Variants in TCP11L1 observed in about 807,000 individuals in gnomAD.
The protein encoded by TCP11L1 is t-complex 11 like 1, also known as T-complex protein 11-like protein 1.
A neutral mutation model predicts 48.9 loss-of-function variants in TCP11L1; 28 were observed. The observed-to-expected ratio is 0.57, with a 90% CI of 0.42 to 0.78. The LOEUF is 0.78. TCP11L1 is among the 30% of genes least tolerant of loss of function. The probability of loss-of-function intolerance (pLI) is 0.00; values close to 1 mark genes in which losing one functional copy is unlikely to be tolerated. For synonymous variants in TCP11L1, 204 were observed against 231.9 expected (o/e 0.88, Z 1.09); for missense variants, 505 against 613.4 (o/e 0.82, Z 1.87).
chr11:33,042,430 C>T (rs532078763), intron 1 of TCP11L1, among the ~76,000 whole-genome samples: 5 of 152,294 alleles, frequency 3.3e-5, no homozygotes, highest in Admixed American at 1.3e-4. Flanking sequence ...AATCCCAGCA[C>T]TTTGGGAGGC....
In TCP11L1 at chr11:33,057,151, G is replaced by A. The variant is rs772731909; in HGVS notation, c.333G>A (p.Ala111=). Residue 111 remains alanine (A), a synonymous_variant, in exon 4 of 10, where the codon GCG becomes GCA. Transcript: ENST00000334274. ...GAGTAAAGGAGATTGTACATAAAGC[G>A]TTTTGGGATTGCTTGAGTGTGCAGC... ...KKRVKEIVHK[A]FWDCLSVQLS... is the part of the protein sequence containing the mutation. 15 of 1,613,934 alleles carry A rather than the reference G, an allele frequency of 9.3e-6. No homozygotes were observed. The highest frequency in any genetic ancestry group is 1.6e-4 in the Middle Eastern group (1 of 6,062).
At chr11:33,060,446 C>T (rs1394149098) in intron 6 of TCP11L1, among the ~76,000 whole-genome samples, 1 of 152,072 alleles carries the variant, frequency 6.6e-6, no homozygotes, top group Non-Finnish European at 1.5e-5. Flanking sequence ...GAGCTGCATC[C>T]CCCTGCCCCA....
Position 33,073,081 on chromosome 11 carries a change from T to C in TCP11L1, c.*405T>C, listed in dbSNP as rs932419722. 3 of 213,908 alleles carry C rather than the reference T, an allele frequency of 1.4e-5. No homozygotes were observed. The Admixed American group carries it at 1.6e-4, about 11-fold the overall frequency. 13.3% of individuals were successfully genotyped at this position (213,908 alleles called of 1,614,324 possible). On this transcript the variant is annotated 3_prime_UTR_variant, in exon 10 of 10. Transcript: ENST00000334274. Reference sequence around the variant, plus strand: ...GAGACCAAGCCATGGCCTCACCTCCTGCCCTCCCTCAGACAGCCTTGTCCC... The same window carrying C: ...GAGACCAAGCCATGGCCTCACCTCCCGCCCTCCCTCAGACAGCCTTGTCCC...
At chr11:33,053,071 C>T (rs1041618954) in intron 2 of TCP11L1, among the ~76,000 whole-genome samples, 34 of 151,286 alleles carry the variant, frequency 2.2e-4, no homozygotes, top group African/African-American at 8.2e-4. Context: ...GAGAGGTGGG[C>T]TCAGCAATCT....
intron 2 of TCP11L1, among the ~76,000 whole-genome samples, chr11:33,046,971 A>C (rs948908685): frequency 6.6e-6 from 1 of 152,200 alleles, no homozygotes; most frequent in African/African-American, 2.4e-5. Flanking sequence ...GCCTATAAGC[A>C]CTTTGGGAGG....
intron 2 of TCP11L1, among the ~76,000 whole-genome samples, chr11:33,047,722 G>A (rs980383707): frequency 4.6e-5 from 7 of 152,216 alleles, no homozygotes; most frequent in African/African-American, 1.7e-4. Flanking sequence ...GGATCCAGCA[G>A]TGAACCAGGC....
intron 7 of TCP11L1, among the ~76,000 whole-genome samples, chr11:33,062,059 C>G (rs11032135): frequency 0.34 from 51,769 of 151,572 alleles, 9,321 homozygotes; most frequent in East Asian, 0.45. Flanking sequence ...CCAGCCTGGG[C>G]GACAGAGCGA....
At position 33,072,772 on chromosome 11, in the gene TCP11L1, G is replaced by A; in HGVS notation, c.*96G>A. 1 of 1,371,234 alleles carries A rather than the reference G, an allele frequency of 7.3e-7. No homozygotes were observed. Among genetic ancestry groups the A allele is most frequent in the Non-Finnish European group, 1.0e-6 (1 of 975,022 alleles). 84.9% of individuals were successfully genotyped at this position (1,371,234 alleles called of 1,614,324 possible). On this transcript the variant is annotated 3_prime_UTR_variant, in exon 10 of 10. Coordinates refer to ENST00000334274, the MANE Select transcript of TCP11L1 (RefSeq NM_018393.4). ...ATTGGAAAATGGCTATATAGTACATGTCTATTTAACAGCACCGATTCCAAA... is the reference window on the plus strand; with the variant it reads ...ATTGGAAAATGGCTATATAGTACATATCTATTTAACAGCACCGATTCCAAA...
At position 33,054,556 on chromosome 11, in the gene TCP11L1, A is replaced by G. The variant is rs147119738; in HGVS notation, c.164-37A>G. On this transcript the variant is annotated intron_variant, in intron 2 of 9. Transcript: ENST00000334274. ...CTTATTTTAGTAGAAATTCAGATCC[A>G]GGGAAGCAAATCTCTTACAGTGAGT... 4,432 of 1,590,634 alleles carry G rather than the reference A, an allele frequency of 2.8e-3. 12 individuals carry two copies. Among genetic ancestry groups the G allele is most frequent in the Non-Finnish European group, 3.3e-3 (3,919 of 1,171,374 alleles).
chr11:33,054,472 C>A, intron 2 of TCP11L1, 121 bp from the exon 3 acceptor site: 1 of 1,235,618 alleles, frequency 8.1e-7, no homozygotes, highest in African/African-American at 1.5e-5. Flanking sequence ...AATGCCAGAA[C>A]AAACATTTTA....
rs759802572 is a variant in TCP11L1, at chr11:33,061,724, G to C, written c.970G>C (p.Glu324Gln). Residue 324 changes from glutamate to glutamine, a missense_variant and splice_region_variant, in exon 7 of 10, where the codon GAA (glutamate) becomes CAA (glutamine). This residue lies in a region of TCP11L1 where 335 missense variants were observed against 413.3 expected (regional missense o/e 0.81). Transcript: ENST00000334274. ...GGACCACCTCCAGAGGCCGTTCCCC[G>C]AAGTAGGTCTCCTGAGCCATCTCAC... ...KWDHLQRPFPETVLMDQSRFH... is the reference protein window; with the variant it reads ...KWDHLQRPFPQTVLMDQSRFH... The C allele has an allele frequency of 6.3e-7, 1 of 1,593,698 alleles. No homozygotes were observed. Among genetic ancestry groups the C allele is most frequent in the South Asian group, 1.1e-5 (1 of 87,982 alleles).
rs67627914 is a variant in TCP11L1 at position 33,052,469 on chromosome 11, CTT to C, written c.164-2113_164-2112del. Among the ~76,000 whole-genome samples, 65 of 148,142 alleles carry C rather than the reference CTT, an allele frequency of 4.4e-4. 2 individuals are homozygous for C. The East Asian group carries it at 9.9e-3, about 23-fold the overall frequency. ...TATGACCAGCTCTTCGATTTGGTTC[CTT>C]TTTTTTTTTTCTTTTTTTTGGTGCG... On this transcript the variant is annotated intron_variant, in intron 2 of 9. Transcript: ENST00000334274.
chr11:33,060,334 C>G (rs1306758400), intron 6 of TCP11L1, among the ~76,000 whole-genome samples: 4 of 152,182 alleles, frequency 2.6e-5, no homozygotes, highest in Non-Finnish European at 5.9e-5. Context: ...ACATGAAAGC[C>G]TGGGTTTCCC....
At chr11:33,040,892 G>A (rs779105465) in intron 1 of TCP11L1, 5 of 152,150 alleles carry the variant, frequency 3.3e-5, no homozygotes, top group African/African-American at 1.2e-4. Context: ...GGCAGAGTTA[G>A]TTTCTTCCTC....
At chr11:33,053,574 A>G (rs961600218) in intron 2 of TCP11L1, among the ~76,000 whole-genome samples, 2 of 152,246 alleles carry the variant, frequency 1.3e-5, no homozygotes, top group African/African-American at 4.8e-5. Flanking sequence ...TCGATACAGA[A>G]GTAAAATCTA....
At chr11:33,069,304 A>T (rs1445790940) in intron 9 of TCP11L1, among the ~76,000 whole-genome samples, 3 of 152,208 alleles carry the variant, frequency 2.0e-5, no homozygotes, top group South Asian at 2.1e-4. Flanking sequence ...GATGTTATTT[A>T]AAAATACTAT....
In TCP11L1 at chr11:33,058,996, A is replaced by G. The variant is rs1295508367; in HGVS notation, c.676A>G (p.Met226Val). 6.2e-7 allele frequency: 1 copy of G among 1,614,096 alleles called. No homozygotes were observed. The highest frequency in any genetic ancestry group is 8.5e-7 in the Non-Finnish European group (1 of 1,180,050). The change falls in exon 6 of 10, where the codon ATG becomes GTG. Residue 226 changes from methionine to valine, a missense_variant. Coordinates refer to ENST00000334274, the MANE Select transcript of TCP11L1 (RefSeq NM_018393.4). Reference sequence around the variant, plus strand: ...TGTGTTGGACCTAATGAAAGTGGACATGGCCAACTTTGCTATCAGTAGCAT... The same window carrying G: ...TGTGTTGGACCTAATGAAAGTGGACGTGGCCAACTTTGCTATCAGTAGCAT... ...FSVLDLMKVD[M>V]ANFAISSIRP...
intron 2 of TCP11L1, among the ~76,000 whole-genome samples, chr11:33,044,819 G>A (rs1236874378): frequency 6.6e-6 from 1 of 152,160 alleles, no homozygotes; most frequent in Non-Finnish European, 1.5e-5. Context: ...AAGGAAACAT[G>A]TTGTTGCTAG....
chr11:33,056,382 A>G (rs536202014), intron 3 of TCP11L1, among the ~76,000 whole-genome samples: 1 of 152,296 alleles, frequency 6.6e-6, no homozygotes, highest in South Asian at 2.1e-4. Flanking sequence ...AAATGCTGGG[A>G]TTACAGGCAT....
Sources: gnomAD v4.1 joint callset for allele counts (sites outside exome capture counted in the v4.1 genomes callset) on GRCh38, gnomAD v4.1.1 for gene constraint, gnomAD v4.1.1 regional missense constraint, MANE v1.5 for transcripts, NCBI Gene and HGNC (gene_info 2026-07-23, HGNC 2026-07-21) for gene names.